EIF4G3: variants seen among roughly 807,000 people sequenced by gnomAD.
EIF4G3 encodes the protein eukaryotic translation initiation factor 4 gamma 3.
EIF4G3 carries 34 observed loss-of-function variants against 186.4 expected under a neutral mutation model. That is an observed-to-expected ratio of 0.18 (90% CI 0.14 to 0.24). The LOEUF (loss-of-function observed/expected upper bound fraction) is 0.24, where lower values mean the gene tolerates loss of function less well. Among genes scored for constraint, EIF4G3 ranks in the 10% least tolerant of loss-of-function variants. EIF4G3 has a pLI of 1.00. For synonymous variants in EIF4G3, 673 were observed against 679.5 expected (o/e 0.99, Z 0.15); for missense variants, 1,536 against 1,948.5 (o/e 0.79, Z 3.99).
intron 2 of EIF4G3, among the ~76,000 whole-genome samples, chr1:21,135,089 C>T (rs75797339): frequency 4.6e-4 from 70 of 152,276 alleles, no homozygotes; most frequent in African/African-American, 1.6e-3. Flanking sequence ...AATTTACACA[C>T]AAATTCCATT....
intron 12 of EIF4G3, among the ~76,000 whole-genome samples, chr1:20,958,224 G>C (rs2096484715): frequency 6.6e-6 from 1 of 152,122 alleles, no homozygotes; most frequent in African/African-American, 2.4e-5. Context: ...TTTATTTCAA[G>C]GATGCAGAGA....
rs80093259 is a variant in EIF4G3, at chr1:20,905,618, T to C, written c.1664-647A>G. On this transcript the variant is annotated intron_variant, in intron 14 of 36. Transcript: ENST00000602326. The stretch of plus-strand genomic sequence containing the variant: ...GAATTATTCCATTGTTTCAGATTTC[T>C]AGATTAAAGGATTAAGTTTACAAAG... 7.7e-3 allele frequency among the ~76,000 whole-genome samples: 1,166 copies of C among 152,364 alleles called. 8 individuals carry two copies. The highest frequency in any genetic ancestry group is 0.012 in the Non-Finnish European group (814 of 68,030).
chr1:21,056,969 A>C (rs755656634), intron 3 of EIF4G3, among the ~76,000 whole-genome samples: 13 of 152,230 alleles, frequency 8.5e-5, no homozygotes, highest in Non-Finnish European at 7.3e-5. Context: ...TTAAAAGAAA[A>C]TATGCCCGAG....
chr1:20,966,827 C>T (rs1296274295), intron 12 of EIF4G3, among the ~76,000 whole-genome samples: 2 of 152,126 alleles, frequency 1.3e-5, no homozygotes, highest in Non-Finnish European at 2.9e-5. Context: ...TATGCTTGTG[C>T]TACTGTTTTT....
At chr1:20,931,338 G>A (rs58762579) in intron 14 of EIF4G3, among the ~76,000 whole-genome samples, 55,141 of 151,922 alleles carry the variant, frequency 0.36, 10,487 homozygotes, top group Non-Finnish European at 0.41. Flanking sequence ...ATGTGCAGTA[G>A]TATTTTGAAA....
chr1:21,020,149 A>G (rs2090323103), intron 4 of EIF4G3, among the ~76,000 whole-genome samples: 1 of 152,142 alleles, frequency 6.6e-6, no homozygotes, highest in Admixed American at 6.5e-5. Context: ...GTGCCAAAAC[A>G]CTATGCTGAA....
At chr1:20,938,506 T>C (rs928359193) in intron 14 of EIF4G3, among the ~76,000 whole-genome samples, 3 of 152,206 alleles carry the variant, frequency 2.0e-5, no homozygotes, top group Admixed American at 6.5e-5. Context: ...AAGTAAAAAC[T>C]ATTCTCAAAA....
intron 7 of EIF4G3, among the ~76,000 whole-genome samples, chr1:20,991,151 T>C (rs2081008496): frequency 6.6e-6 from 1 of 152,196 alleles, no homozygotes; most frequent in Non-Finnish European, 1.5e-5. Flanking sequence ...ATTTTTTCTA[T>C]ATTTCCCGGC....
At chr1:20,912,543 C>G (rs773027321) in intron 14 of EIF4G3, among the ~76,000 whole-genome samples, 3 of 152,110 alleles carry the variant, frequency 2.0e-5, no homozygotes, top group Non-Finnish European at 4.4e-5. Context: ...TGACACAAAA[C>G]TGAGACTGCG....
chr1:20,852,730 G>A (rs936624456), intron 27 of EIF4G3, among the ~76,000 whole-genome samples: 2 of 152,108 alleles, frequency 1.3e-5, no homozygotes, highest in African/African-American at 2.4e-5. Flanking sequence ...ACCATTAGGG[G>A]ACATTTATGA....
At chr1:21,142,431 T>C (rs965058679) in intron 2 of EIF4G3, among the ~76,000 whole-genome samples, 3 of 152,106 alleles carry the variant, frequency 2.0e-5, no homozygotes, top group African/African-American at 7.2e-5. Flanking sequence ...CGCTTGAGCC[T>C]GGATGGTGGA....
chr1:21,011,777 C>G (rs1261393615), intron 4 of EIF4G3, among the ~76,000 whole-genome samples: 1 of 152,092 alleles, frequency 6.6e-6, no homozygotes, highest in Non-Finnish European at 1.5e-5. Flanking sequence ...AGTAAACTAA[C>G]AAAATTTAGC....
At chr1:20,990,995 G>C (rs1034945585) in intron 7 of EIF4G3, among the ~76,000 whole-genome samples, 9 of 152,154 alleles carry the variant, frequency 5.9e-5, no homozygotes, top group Non-Finnish European at 8.8e-5. Flanking sequence ...AAAGTCTGAA[G>C]TACTCTTGAA....
chr1:20,969,106 G>A (rs6697284), intron 12 of EIF4G3, among the ~76,000 whole-genome samples: 64,855 of 151,940 alleles, frequency 0.43, 14,249 homozygotes, highest in Non-Finnish European at 0.47. Flanking sequence ...TAATGTTTGC[G>A]TTAACAAAAG....
chr1:20,955,259 TCTCA>T (rs2096377371), intron 12 of EIF4G3, among the ~76,000 whole-genome samples: 1 of 151,330 alleles, frequency 6.6e-6, no homozygotes, highest in Non-Finnish European at 1.5e-5. Flanking sequence ...TGAGACAGGA[TCTCA>T]CTCTGTCACC....
chr1:20,907,534 C>T (rs2092428555), intron 14 of EIF4G3, among the ~76,000 whole-genome samples: 1 of 145,556 alleles, frequency 6.9e-6, no homozygotes, highest in African/African-American at 2.5e-5. Flanking sequence ...AATGCTATCC[C>T]TCCCCCCTCC....
chr1:20,918,157 T>C (rs1270976123), intron 14 of EIF4G3, among the ~76,000 whole-genome samples: 1 of 152,042 alleles, frequency 6.6e-6, no homozygotes, highest in Admixed American at 6.6e-5. Flanking sequence ...GTGTCTGATA[T>C]ATAGTCTTCT....
chr1:21,046,360 G>A (rs1416835489), intron 4 of EIF4G3, among the ~76,000 whole-genome samples: 1 of 152,194 alleles, frequency 6.6e-6, no homozygotes, highest in Admixed American at 6.5e-5. Context: ...TGCACATTAC[G>A]CCTTAAAACT....
Position 21,167,690 on chromosome 1 carries a change from G to A in EIF4G3, c.-272+8485C>T, listed in dbSNP as rs972217807. On this transcript the variant is annotated intron_variant, in intron 2 of 36. Transcript: ENST00000602326. The stretch of plus-strand genomic sequence containing the variant: ...GGGGAACCGCTTGAACCCGGGAGGT[G>A]GAGGTTGCAATGAGCCAAGATCACA... Among the ~76,000 whole-genome samples the A allele has an allele frequency of 4.6e-5, 7 of 152,088 alleles. No individual in the cohort carries two copies. The East Asian group carries it at 1.4e-3, about 29-fold the overall frequency.
Sources: gnomAD v4.1 joint callset for allele counts (sites outside exome capture counted in the v4.1 genomes callset) on GRCh38, gnomAD v4.1.1 for gene constraint, MANE v1.5 for transcripts, NCBI Gene and HGNC (gene_info 2026-07-23, HGNC 2026-07-21) for gene names.